Variants in CCDC149 observed in about 807,000 individuals in gnomAD.
CCDC149 encodes coiled-coil domain-containing protein 149.
Under a neutral mutation model 59.9 loss-of-function variants are expected in CCDC149, and 45 were observed. The ratio of observed to expected loss-of-function variants is 0.75; its 90% CI spans 0.59 to 0.96. The LOEUF (loss-of-function observed/expected upper bound fraction) is 0.96, where lower values mean the gene tolerates loss of function less well. Ranked by LOEUF, CCDC149 falls within the 40% of genes least tolerant of loss-of-function variation. CCDC149 has a pLI of 0.00. For synonymous variants in CCDC149, 245 were observed against 260.6 expected (o/e 0.94, Z 0.58); for missense variants, 584 against 664.7 (o/e 0.88, Z 1.33).
chr4:24,837,475 A>C lies in CCDC149; in HGVS notation c.490-75T>G. The C allele has an allele frequency of 7.0e-7, 1 of 1,426,872 alleles. No homozygotes were observed. The highest frequency in any genetic ancestry group is 9.7e-7 in the Non-Finnish European group (1 of 1,029,666). 88.4% of individuals were successfully genotyped at this position (1,426,872 alleles called of 1,614,324 possible). Reference sequence around the variant, plus strand: ...TTTATGGCCAGAGATGGAGCCTCCCACTTGGTTGACTGATTTTTAGAGAGT... The same window carrying C: ...TTTATGGCCAGAGATGGAGCCTCCCCCTTGGTTGACTGATTTTTAGAGAGT... On this transcript the variant is annotated intron_variant, in intron 5 of 12. Coordinates refer to ENST00000635206, the MANE Select transcript of CCDC149 (RefSeq NM_001330643.2). This position sits in a 1 kb window ranked among gnomAD's most constrained non-coding sequence, Gnocchi z 4.3.
intron 1 of CCDC149, among the ~76,000 whole-genome samples, chr4:24,973,395 T>C (rs568059122): frequency 3.3e-5 from 5 of 152,234 alleles, no homozygotes; most frequent in Non-Finnish European, 7.3e-5. Context: ...TGTACACATA[T>C]GTCAAAACTT....
intron 8 of CCDC149, among the ~76,000 whole-genome samples, chr4:24,832,866 T>C (rs1400068633): frequency 2.0e-5 from 3 of 152,232 alleles, no homozygotes; most frequent in Non-Finnish European, 4.4e-5. Flanking sequence ...TGTGACTTTT[T>C]CACATGTGAT....
intron 9 of CCDC149, 128 bp from the exon 10 acceptor site, chr4:24,822,701 G>T: frequency 1.8e-6 from 1 of 563,894 alleles, no homozygotes; most frequent in Admixed American, 3.7e-5. Flanking sequence ...TGGAGTATTT[G>T]TATGTATGTG....
At chr4:24,917,392 C>T (rs112916589), upstream of CCDC149, among the ~76,000 whole-genome samples, 11,839 of 152,256 alleles carry the variant, frequency 0.078, 550 homozygotes, top group Middle Eastern at 0.11. Flanking sequence ...CCTGGCAGGC[C>T]GGGGACCCGC....
chr4:24,890,295 C>T (rs1186406474), intron 1 of CCDC149, among the ~76,000 whole-genome samples: 1 of 152,050 alleles, frequency 6.6e-6, no homozygotes, highest in Non-Finnish European at 1.5e-5. Context: ...TCATCACAAC[C>T]CCAAAATGTA....
At chr4:24,848,775 T>C (rs1050101144) in intron 4 of CCDC149, among the ~76,000 whole-genome samples, 1 of 151,992 alleles carries the variant, frequency 6.6e-6, no homozygotes, top group African/African-American at 2.4e-5. Flanking sequence ...ATCCATGAAA[T>C]TGTCAAGAAG....
intron 4 of CCDC149, among the ~76,000 whole-genome samples, chr4:24,848,594 A>G (rs1717462305): frequency 6.6e-6 from 1 of 151,972 alleles, no homozygotes; most frequent in African/African-American, 2.4e-5. Flanking sequence ...AAATAAATAA[A>G]TACAATAAAT....
chr4:24,934,883 A>T (rs1162339075), intron 1 of CCDC149, among the ~76,000 whole-genome samples: 1 of 152,240 alleles, frequency 6.6e-6, no homozygotes, highest in African/African-American at 2.4e-5. Flanking sequence ...CAGTTGATGG[A>T]GACAGAGAGG....
intron 1 of CCDC149, among the ~76,000 whole-genome samples, chr4:24,908,231 T>C (rs969206299): frequency 2.6e-5 from 4 of 152,154 alleles, no homozygotes; most frequent in Admixed American, 2.0e-4. Context: ...TCTAAGCTGA[T>C]CCACTTTGGT....
At chr4:24,854,982 CT>C (rs1717910883) in intron 3 of CCDC149, among the ~76,000 whole-genome samples, 1 of 152,146 alleles carries the variant, frequency 6.6e-6, no homozygotes, top group South Asian at 2.1e-4. Context: ...GCTACCTTAC[CT>C]TTTTTTCTGG....
chr4:24,871,246 A>ATG (rs142550811), intron 3 of CCDC149, among the ~76,000 whole-genome samples: 5,021 of 152,184 alleles, frequency 0.033, 116 homozygotes, highest in Middle Eastern at 0.061. Context: ...CTGAGGATAA[A>ATG]TGTGTGTGTG....
intron 1 of CCDC149, among the ~76,000 whole-genome samples, chr4:24,929,589 T>C (rs1439714123): frequency 6.6e-6 from 1 of 152,204 alleles, no homozygotes; most frequent in Admixed American, 6.5e-5. Flanking sequence ...AACACCCTTT[T>C]CCAACGTAAA....
At chr4:24,840,300 C>T (rs1235522718) in intron 4 of CCDC149, among the ~76,000 whole-genome samples, 1 of 152,168 alleles carries the variant, frequency 6.6e-6, no homozygotes, top group East Asian at 1.9e-4. Flanking sequence ...CAAAGGCAGG[C>T]AGAAGATGCA....
intron 2 of CCDC149, among the ~76,000 whole-genome samples, 196 bp from the exon 3 acceptor site, chr4:24,873,915 A>G (rs2109240030): frequency 6.6e-6 from 1 of 152,222 alleles, no homozygotes; most frequent in Admixed American, 6.5e-5. Context: ...TTTTGGAAAA[A>G]CCTCTAGGGA....
rs897983260 is a variant in CCDC149, at chr4:24,807,589, G to T, written c.*800C>A. ...TGAATGCAGAGAATGAGCATTTCCAGGTGGTAGCTCTCATCTCATCTCACA... is the reference window on the plus strand; with the variant it reads ...TGAATGCAGAGAATGAGCATTTCCATGTGGTAGCTCTCATCTCATCTCACA... On this transcript the variant is annotated 3_prime_UTR_variant, in exon 13 of 13. Transcript: ENST00000635206. 1 of 152,158 alleles carries T rather than the reference G, an allele frequency of 6.6e-6. No homozygotes were observed. The highest frequency in any genetic ancestry group is 1.5e-5 in the Non-Finnish European group (1 of 68,060). The allele number at this position is 152,158 out of a possible 1,614,324, so 9.4% of individuals were successfully genotyped here. A position where few individuals can be genotyped will look rare whatever the true frequency, so the allele number is the denominator to read the frequency against.
chr4:24,938,212 C>G (rs545960730), intron 1 of CCDC149, among the ~76,000 whole-genome samples: 4 of 152,210 alleles, frequency 2.6e-5, no homozygotes, highest in Admixed American at 6.5e-5. Flanking sequence ...TAAAGAGAAA[C>G]GACAGAGAGC....
At chr4:24,814,168 C>G (rs1322369758) in intron 12 of CCDC149, among the ~76,000 whole-genome samples, 1 of 152,110 alleles carries the variant, frequency 6.6e-6, no homozygotes, top group African/African-American at 2.4e-5. Flanking sequence ...TATGTTTATT[C>G]TCCTAAGAAT....
chr4:24,827,844 T>C (rs1438095112), intron 9 of CCDC149: 4 of 152,272 alleles, frequency 2.6e-5, no homozygotes, highest in Admixed American at 6.5e-5. Flanking sequence ...TTTACTGCTA[T>C]GTATAACGCT....
chr4:24,875,692 C>T (rs997839836), intron 2 of CCDC149, among the ~76,000 whole-genome samples: 2 of 152,142 alleles, frequency 1.3e-5, no homozygotes, highest in Non-Finnish European at 2.9e-5. Flanking sequence ...AATACAGTAG[C>T]CATCAGTCAC....
Sources: gnomAD v4.1 joint callset for allele counts (sites outside exome capture counted in the v4.1 genomes callset) on GRCh38, gnomAD v4.1.1 for gene constraint, Gnocchi (gnomAD v3.1) non-coding constraint, MANE v1.5 for transcripts, NCBI Gene and HGNC (gene_info 2026-07-23, HGNC 2026-07-21) for gene names.